CC2D2A: variants seen among roughly 807,000 people sequenced by gnomAD.
CC2D2A encodes coiled-coil and C2 domain-containing protein 2A.
A neutral mutation model predicts 212.9 loss-of-function variants in CC2D2A; 155 were observed. The observed-to-expected ratio is 0.73, with a 90% CI of 0.64 to 0.83. The LOEUF (loss-of-function observed/expected upper bound fraction) is 0.83, where lower values mean the gene tolerates loss of function less well. Among genes scored for constraint, CC2D2A ranks in the 40% least tolerant of loss-of-function variants. The pLI, the probability that CC2D2A is intolerant of heterozygous loss-of-function variation, is 0.00. For synonymous variants in CC2D2A, 667 were observed against 686.5 expected, an observed-to-expected ratio of 0.97 and a Z score of 0.44; for missense variants, 1,856 against 1,956.2, an observed-to-expected ratio of 0.95 and a Z score of 0.97.
At chr4:15,501,033 T>C (rs1715918472) in intron 4 of CC2D2A, among the ~76,000 whole-genome samples, 1 of 152,162 alleles carries the variant, frequency 6.6e-6, no homozygotes, top group Non-Finnish European at 1.5e-5. Context: ...CTCGTTTTTC[T>C]TTCTCAGCAT....
Position 15,527,494 on chromosome 4 carries a change from C to A in CC2D2A, c.1197C>A (p.Asp399Glu), listed in dbSNP as rs1019784141. The A allele has an allele frequency of 8.7e-6, 14 of 1,613,496 alleles. No individual in the cohort carries two copies. The highest frequency in any genetic ancestry group is 1.7e-5 in the Admixed American group (1 of 59,976). The change falls in exon 12 of 37, where the codon GAC becomes GAA. Residue 399 changes from aspartate to glutamate, a missense_variant. Asp to Glu is a conservative substitution (Grantham distance 45, BLOSUM62 2). This residue lies in a region of CC2D2A where 1,512 missense variants were observed against 1,579.3 expected (regional missense o/e 0.96). Transcript: ENST00000424120. Reference protein sequence around the residue: ...HSSQHVIRSGDPPGNFQLDID... With the variant: ...HSSQHVIRSGEPPGNFQLDID... ...GTCAGCATGTGATCAGATCTGGAGA[C>A]CCTCCTGGAAATTTCCAACTGGACA... is the stretch of plus-strand genomic sequence containing the variant.
At position 15,470,728 on chromosome 4, in the gene CC2D2A, T is replaced by G. The variant is rs1713753101; in HGVS notation, c.-19+671T>G. On this transcript the variant is annotated intron_variant, in intron 1 of 36. Transcript: ENST00000424120. ...ATATATATATATATATATATATATA[T>G]ATATATCCTAGAGCTCACTTATAGA... Among the ~76,000 whole-genome samples, 9 of 120,412 alleles carry G rather than the reference T, an allele frequency of 7.5e-5. 1 individual carries two copies. The Admixed American group carries it at 8.4e-4, about 11-fold the overall frequency. 79.0% of individuals were successfully genotyped at this position (120,412 alleles called of 152,430 possible). A position where few individuals can be genotyped will look rare whatever the true frequency, so the allele number is the denominator to read the frequency against.
At chr4:15,470,226 G>A (rs536387957) in intron 1 of CC2D2A, 169 bp downstream of exon 1, 2 of 152,270 alleles carry the variant, frequency 1.3e-5, no homozygotes, top group African/African-American at 4.8e-5. Flanking sequence ...TGGGAACATA[G>A]ACCATTACTT....
chr4:15,558,372 G>A (rs2109059238), intron 21 of CC2D2A, among the ~76,000 whole-genome samples: 1 of 152,196 alleles, frequency 6.6e-6, no homozygotes, highest in African/African-American at 2.4e-5. Flanking sequence ...AGGCACCAAG[G>A]GGAGTTTACT....
Position 15,491,606 on chromosome 4 carries a change from T to A in CC2D2A, c.247+10779T>A, listed in dbSNP as rs562942160. Reference sequence around the variant, plus strand: ...TTTTAGTAGAGACAGGGTTTCACCATGTCAGCCAGGCTGATCTTGAACTCC... The same window carrying A: ...TTTTAGTAGAGACAGGGTTTCACCAAGTCAGCCAGGCTGATCTTGAACTCC... On this transcript the variant is annotated intron_variant, in intron 4 of 36. Transcript: ENST00000424120. 2.6e-5 allele frequency among the ~76,000 whole-genome samples: 4 copies of A among 152,322 alleles called. No homozygotes were observed. In the East Asian group the frequency reaches 7.7e-4, roughly 29 times the overall value.
chr4:15,587,954 A>G, intron 32 of CC2D2A, 25 bp downstream of exon 32: 1 of 1,289,824 alleles, frequency 7.8e-7, no homozygotes, highest in Non-Finnish European at 1.1e-6. Context: ...GCTGCCTTTA[A>G]CAGAGGAGTA....
intron 9 of CC2D2A, 139 bp downstream of exon 9, chr4:15,515,008 C>A (rs1716780927): frequency 1.2e-5 from 9 of 734,794 alleles, no homozygotes; most frequent in South Asian, 2.3e-5. Flanking sequence ...TATCTTCAAA[C>A]AAACAAAAAA....
intron 32 of CC2D2A, among the ~76,000 whole-genome samples, chr4:15,588,348 A>G (rs892692638): frequency 6.6e-6 from 1 of 152,186 alleles, no homozygotes; most frequent in African/African-American, 2.4e-5. Context: ...TTCTATAGGT[A>G]TCTGCTGCTA....
intron 11 of CC2D2A, chr4:15,519,350 A>T (rs931532779): frequency 4.8e-6 from 2 of 414,888 alleles, no homozygotes; most frequent in Non-Finnish European, 9.4e-6. Flanking sequence ...TGTCCATATT[A>T]TTATCAGCAT....
In CC2D2A at chr4:15,540,897, C is replaced by A; in HGVS notation, c.2064C>A (p.Phe688Leu). ...GCTCAGTGTACTTAAAAGTGCTGTTCAACAACAAGGAGGTGTCCAGGACAG... is the reference window on the plus strand; with the variant it reads ...GCTCAGTGTACTTAAAAGTGCTGTTAAACAACAAGGAGGTGTCCAGGACAG... ...KKRSVYLKVLFNNKEVSRTVS... is the reference protein window; with the variant it reads ...KKRSVYLKVLLNNKEVSRTVS... The change falls in exon 17 of 37, where the codon TTC becomes TTA. Residue 688 changes from phenylalanine (F) to leucine (L), a missense_variant. Coordinates refer to ENST00000424120, the MANE Select transcript of CC2D2A (RefSeq NM_001378615.1). 6.3e-7 allele frequency: 1 copy of A among 1,592,446 alleles called. No individual in the cohort carries two copies.
chr4:15,600,977 C>T (rs746617074), intron 36 of CC2D2A, among the ~76,000 whole-genome samples: 17 of 150,676 alleles, frequency 1.1e-4, no homozygotes, highest in Admixed American at 6.6e-4. Flanking sequence ...ACAATGGTTA[C>T]GATGCATACT....
In CC2D2A at chr4:15,591,039, G is replaced by T. The variant is rs926348935; in HGVS notation, c.4314+1360G>T. ...CACCACACCCAGCAAATTATTGAAT[G>T]ATTGTTTTTATGTGCTTCTGTCTAT... On this transcript the variant is annotated intron_variant, in intron 33 of 36. Coordinates refer to ENST00000424120, the MANE Select transcript of CC2D2A (RefSeq NM_001378615.1). Among the ~76,000 whole-genome samples the T allele has an allele frequency of 2.0e-5, 3 of 150,800 alleles. No homozygotes were observed. In the East Asian group the frequency reaches 6.0e-4, roughly 30 times the overall value.
rs1721309163 is a variant in CC2D2A, at chr4:15,596,128, A to T, written c.4358A>T (p.Asn1453Ile). 1.9e-6 allele frequency: 3 copies of T among 1,550,006 alleles called. No individual in the cohort carries two copies. The African/African-American group carries it at 4.1e-5, about 21-fold the overall frequency. The change falls in exon 34 of 37, where the codon AAT becomes ATT. Residue 1453 changes from asparagine to isoleucine, a missense_variant. By Grantham distance (149) the Asn-to-Ile change is moderately radical. This residue lies in a region of CC2D2A where 285 missense variants were observed against 278.4 expected (regional missense o/e 1.02). Coordinates refer to ENST00000424120, the MANE Select transcript of CC2D2A (RefSeq NM_001378615.1). ...IQRYESPLRI[N>I]FDVTRPKLWK... is the part of the protein sequence containing the mutation. ...CGATATGAATCTCCACTAAGGATAA[A>T]TTTTGATGTCACCAGGCCCAAGCTA...
At position 15,586,072 on chromosome 4, in the gene CC2D2A, A is replaced by G. The variant is rs540180860; in HGVS notation, c.3976-85A>G. 158 of 889,112 alleles carry G rather than the reference A, an allele frequency of 1.8e-4. 5 individuals carry two copies. The South Asian group carries it at 2.3e-3, about 13-fold the overall frequency. 55.1% of individuals were successfully genotyped at this position (889,112 alleles called of 1,614,324 possible). The stretch of plus-strand genomic sequence containing the variant: ...TTTTGTACATGTAAATGTTTGTAAT[A>G]TTTGAGATTTAAGAAATGAGGTAGG... On this transcript the variant is annotated intron_variant, in intron 30 of 36. Coordinates refer to ENST00000424120, the MANE Select transcript of CC2D2A (RefSeq NM_001378615.1).
At chr4:15,570,920 CT>C (rs1720136701) in intron 28 of CC2D2A, among the ~76,000 whole-genome samples, 1 of 151,986 alleles carries the variant, frequency 6.6e-6, no homozygotes, top group South Asian at 2.1e-4. Flanking sequence ...AACAAAAAAA[CT>C]TTCTTTGTGC....
At chr4:15,572,888 C>T (rs983404318) in intron 28 of CC2D2A, among the ~76,000 whole-genome samples, 6 of 152,036 alleles carry the variant, frequency 3.9e-5, no homozygotes, top group Non-Finnish European at 5.9e-5. Flanking sequence ...GGTGTAAGTC[C>T]AAGAGTCCAA....
chr4:15,531,956 C>T (rs766943288), intron 13 of CC2D2A, among the ~76,000 whole-genome samples: 1 of 152,152 alleles, frequency 6.6e-6, no homozygotes, highest in Non-Finnish European at 1.5e-5. Flanking sequence ...TACTTGGTAT[C>T]GGGCAAGGTT....
chr4:15,578,000 T>G (rs979118960), intron 29 of CC2D2A, among the ~76,000 whole-genome samples: 1 of 152,240 alleles, frequency 6.6e-6, no homozygotes, highest in African/African-American at 2.4e-5. Context: ...TGAATTCAAC[T>G]GTGTCCTTTT....
intron 14 of CC2D2A, among the ~76,000 whole-genome samples, chr4:15,534,097 C>T (rs1717993281): frequency 6.6e-6 from 1 of 152,190 alleles, no homozygotes; most frequent in Non-Finnish European, 1.5e-5. Context: ...TTTTTTCATA[C>T]ATGCATTGAC....
Sources: allele counts gnomAD v4.1 joint callset (sites outside exome capture counted in the v4.1 genomes callset), GRCh38; gene constraint gnomAD v4.1.1; regional missense constraint gnomAD v4.1.1; transcripts MANE v1.5; gene names NCBI Gene and HGNC (gene_info 2026-07-23, HGNC 2026-07-21).